The following MGAT4C variants were observed in gnomAD, a reference collection of about 807,000 sequenced individuals.
MGAT4C encodes MGAT4 family member C.
A neutral mutation model predicts 40.1 loss-of-function variants in MGAT4C; 19 were observed. The observed-to-expected ratio is 0.47, with a 90% CI of 0.33 to 0.70. The LOEUF is 0.70. Ranked by LOEUF, MGAT4C falls within the 30% of genes least tolerant of loss-of-function variation. The pLI is 0.02. For missense variants in MGAT4C, 491 were observed against 563.2 expected, an observed-to-expected ratio of 0.87 and a Z score of 1.30; for synonymous variants, 181 against 187.1, an observed-to-expected ratio of 0.97 and a Z score of 0.27.
chr12:86,215,123 T>C (rs897687253), intron 1 of MGAT4C, among the ~76,000 whole-genome samples: 2 of 61,738 alleles, frequency 3.2e-5, no homozygotes, highest in Non-Finnish European at 4.4e-5. Flanking sequence ...CAAGACCCTC[T>C]TACAATGCTT....
At chr12:86,067,759 T>A (rs1008803546) in intron 1 of MGAT4C, among the ~76,000 whole-genome samples, 10 of 152,174 alleles carry the variant, frequency 6.6e-5, no homozygotes, top group African/African-American at 2.2e-4. Context: ...AGTATTTATT[T>A]CATTATATTT....
In MGAT4C at chr12:86,345,096, C is replaced by T. The variant is rs561499898; in HGVS notation, c.-119-10969G>A. Among the ~76,000 whole-genome samples, 11 of 151,878 alleles carry T rather than the reference C, an allele frequency of 7.2e-5. No homozygotes were observed. In the South Asian group the frequency reaches 1.5e-3, roughly 20 times the overall value. On this transcript the variant is annotated intron_variant, in intron 3 of 7. Transcript: ENST00000548651. ...ATATTTTGAACAGACAAATATGTCA[C>T]ACAAATGATACCCAACATAATGTAA... is the stretch of plus-strand genomic sequence containing the variant.
chr12:86,685,659 A>C (rs1950060020), intron 2 of MGAT4C, among the ~76,000 whole-genome samples: 1 of 152,160 alleles, frequency 6.6e-6, no homozygotes, highest in Non-Finnish European at 1.5e-5. Flanking sequence ...CTTTCTCTCC[A>C]TGAGCATGAA....
chr12:86,094,970 G>GT (rs1403542956), intron 1 of MGAT4C, among the ~76,000 whole-genome samples: 3 of 152,148 alleles, frequency 2.0e-5, no homozygotes, highest in East Asian at 3.8e-4. Flanking sequence ...AGCAAAAGCT[G>GT]TGGTGGCAGA....
At chr12:86,100,453 T>C (rs1874763172) in intron 1 of MGAT4C, among the ~76,000 whole-genome samples, 1 of 151,484 alleles carries the variant, frequency 6.6e-6, no homozygotes, top group Non-Finnish European at 1.5e-5. Flanking sequence ...TAATGATTTT[T>C]TACAGGCTAA....
intron 2 of MGAT4C, among the ~76,000 whole-genome samples, chr12:86,475,138 A>C (rs1301556956): frequency 1.3e-5 from 2 of 152,102 alleles, no homozygotes; most frequent in East Asian, 3.9e-4. Context: ...ATTTATTTGC[A>C]ATGTAACTTT....
At chr12:86,246,263 G>T (rs1209656005) in intron 1 of MGAT4C, among the ~76,000 whole-genome samples, 1 of 139,290 alleles carries the variant, frequency 7.2e-6, no homozygotes, top group Non-Finnish European at 1.5e-5. Context: ...TCCGCTCACT[G>T]CAAGCTCCGC....
intron 2 of MGAT4C, among the ~76,000 whole-genome samples, chr12:86,015,210 G>A (rs1888959166): frequency 6.6e-6 from 1 of 150,968 alleles, no homozygotes; most frequent in African/African-American, 2.4e-5. Context: ...AATAAGGTTG[G>A]TGCAAAAGTA....
At chr12:86,107,808 A>G (rs1458155826) in intron 1 of MGAT4C, among the ~76,000 whole-genome samples, 1 of 152,182 alleles carries the variant, frequency 6.6e-6, no homozygotes, top group Non-Finnish European at 1.5e-5. Flanking sequence ...CAATAAATCT[A>G]TTGAAAGTGC....
At chr12:86,382,143 A>C (rs1038255921) in intron 3 of MGAT4C, among the ~76,000 whole-genome samples, 5 of 152,352 alleles carry the variant, frequency 3.3e-5, no homozygotes, top group African/African-American at 1.2e-4. Flanking sequence ...GGAACTCCTG[A>C]GAGACTTGTT....
At chr12:86,822,968 C>A (rs949388096) in intron 1 of MGAT4C, among the ~76,000 whole-genome samples, 2 of 150,834 alleles carry the variant, frequency 1.3e-5, no homozygotes, top group African/African-American at 4.9e-5. Flanking sequence ...CTTTTCTGAT[C>A]ACAATAGAAT....
At chr12:86,158,440 A>G (rs570008124) in intron 1 of MGAT4C, among the ~76,000 whole-genome samples, 4 of 152,336 alleles carry the variant, frequency 2.6e-5, no homozygotes, top group Middle Eastern at 3.4e-3. Flanking sequence ...ATATTGAAAT[A>G]TAATTGTTAA....
At chr12:86,458,574 A>T (rs1190464038) in intron 2 of MGAT4C, among the ~76,000 whole-genome samples, 1 of 152,218 alleles carries the variant, frequency 6.6e-6, no homozygotes, top group Admixed American at 6.5e-5. Flanking sequence ...ACTATATTAC[A>T]TGTTTTCACA....
At chr12:86,489,085 T>G (rs944908803) in intron 2 of MGAT4C, among the ~76,000 whole-genome samples, 3 of 152,134 alleles carry the variant, frequency 2.0e-5, no homozygotes, top group African/African-American at 7.2e-5. Flanking sequence ...ACCTACAGCC[T>G]GCCCTGTGCC....
chr12:86,791,152 G>A (rs972755855), intron 1 of MGAT4C, among the ~76,000 whole-genome samples: 1 of 152,102 alleles, frequency 6.6e-6, no homozygotes, highest in African/African-American at 2.4e-5. Context: ...GTATTTTGGG[G>A]TTTTATACAT....
chr12:86,748,936 T>C (rs540684913), intron 1 of MGAT4C, among the ~76,000 whole-genome samples: 1 of 150,150 alleles, frequency 6.7e-6, no homozygotes, highest in Admixed American at 6.6e-5. Context: ...GGAATATATT[T>C]TCTTTTAACC....
chr12:86,307,368 TTA>T (rs201426484), intron 4 of MGAT4C, among the ~76,000 whole-genome samples: 13,484 of 146,310 alleles, frequency 0.092, 979 homozygotes, highest in Middle Eastern at 0.23. Context: ...TATTTTAATC[TTA>T]CTTAATACAT....
At chr12:86,757,671 T>C (rs765577660) in intron 1 of MGAT4C, among the ~76,000 whole-genome samples, 2 of 152,162 alleles carry the variant, frequency 1.3e-5, no homozygotes, top group Non-Finnish European at 2.9e-5. Context: ...AATAGATATT[T>C]ATGCTTAAAA....
At chr12:86,219,776 C>A (rs895634264) in intron 1 of MGAT4C, among the ~76,000 whole-genome samples, 1 of 152,074 alleles carries the variant, frequency 6.6e-6, no homozygotes, top group Non-Finnish European at 1.5e-5. Context: ...TCACTCCTGC[C>A]GGAAAACATA....
Sources: allele counts gnomAD v4.1 joint callset (sites outside exome capture counted in the v4.1 genomes callset), GRCh38; gene constraint gnomAD v4.1.1; transcripts MANE v1.5; gene names NCBI Gene and HGNC (gene_info 2026-07-23, HGNC 2026-07-21).